ACAA1: variants seen among roughly 807,000 people sequenced by gnomAD.
The protein encoded by ACAA1 is acetyl-CoA acyltransferase 1.
A neutral mutation model predicts 48.8 loss-of-function variants in ACAA1; 44 were observed. The observed-to-expected ratio is 0.90, with a 90% CI of 0.71 to 1.16. ACAA1 has a LOEUF of 1.16. Ranked by LOEUF, ACAA1 falls within the 50% of genes most tolerant of loss-of-function variation. The probability of loss-of-function intolerance (pLI) is 0.00; values close to 1 mark genes in which losing one functional copy is unlikely to be tolerated. For missense variants in ACAA1, 512 were observed against 562.3 expected, an observed-to-expected ratio of 0.91 and a Z score of 0.90; for synonymous variants, 233 against 226.5, an observed-to-expected ratio of 1.03 and a Z score of -0.26.
Position 38,129,289 on chromosome 3 carries a change from C to T in ACAA1, c.545+1G>A. 6.2e-7 allele frequency: 1 copy of T among 1,611,612 alleles called. No homozygotes were observed. The highest frequency in any genetic ancestry group is 8.5e-7 in the Non-Finnish European group (1 of 1,177,770). On this transcript the variant is annotated splice_donor_variant, in intron 6 of 11. Transcript: ENST00000333167. LOFTEE classifies it high-confidence loss of function. The surrounding 1 kb of genome is among the most constrained non-coding windows in gnomAD (Gnocchi z 5.3). ...GCACACAGAGCTATGGGAGCACTCA[C>T]CCCATAGGAATCAGGCAATCTCTGG...
intron 2 of ACAA1, among the ~76,000 whole-genome samples, chr3:38,136,189 A>G (rs952674484): frequency 6.6e-6 from 1 of 152,188 alleles, no homozygotes; most frequent in African/African-American, 2.4e-5. Flanking sequence ...ACAGCATCTC[A>G]AGGCAGAAAA....
Position 38,126,424 on chromosome 3 carries a change from G to C in ACAA1, c.818-83C>G. The C allele has an allele frequency of 1.2e-6, 2 of 1,608,410 alleles. No individual in the cohort carries two copies. Among genetic ancestry groups the C allele is most frequent in the South Asian group, 1.1e-5 (1 of 90,442 alleles). ...CCTCCCACTTCTACTTTGCAGAGGGGCCTGGTCTATTCCAGGTTCCCAGAG... is the reference window on the plus strand; with the variant it reads ...CCTCCCACTTCTACTTTGCAGAGGGCCCTGGTCTATTCCAGGTTCCCAGAG... On this transcript the variant is annotated intron_variant, in intron 8 of 11. Transcript: ENST00000333167. The surrounding 1 kb of genome is among the most constrained non-coding windows in gnomAD (Gnocchi z 4.7).
chr3:38,126,819 G>A lies in ACAA1; in HGVS notation c.627-119C>T, dbSNP rs780102182. The A allele has an allele frequency of 2.9e-5, 35 of 1,205,594 alleles. No homozygotes were observed. Among genetic ancestry groups the A allele is most frequent in the Non-Finnish European group, 3.9e-5 (33 of 854,814 alleles). 74.7% of individuals were successfully genotyped at this position (1,205,594 alleles called of 1,614,324 possible). ...GGCTGCTAAATTCAGGGACATGCTC[G>A]ACTTTGGGGGAGCTCTGAGGGCATG... On this transcript the variant is annotated intron_variant, in intron 7 of 11. Transcript: ENST00000333167. This position sits in a 1 kb window ranked among gnomAD's most constrained non-coding sequence, Gnocchi z 4.7.
chr3:38,137,098 G>A lies in ACAA1; in HGVS notation c.-63C>T. On this transcript the variant is annotated 5_prime_UTR_variant, in exon 1 of 12. Transcript: ENST00000333167. Reference sequence around the variant, plus strand: ...GAACTGACCGCGGAGTTAACAGACAGCCGTCCGCACACGCGCAGAACCACA... The same window carrying A: ...GAACTGACCGCGGAGTTAACAGACAACCGTCCGCACACGCGCAGAACCACA... 7.4e-7 allele frequency: 1 copy of A among 1,354,284 alleles called. No homozygotes were observed. The allele number at this position is 1,354,284 out of a possible 1,614,324, so 83.9% of individuals were successfully genotyped here.
At chr3:38,123,356 A>T in intron 11 of ACAA1, 1 of 537,584 alleles carries the variant, frequency 1.9e-6, no homozygotes, top group South Asian at 2.3e-5. Context: ...ATGCCCCTAC[A>T]TCCTAAGTTC....
chr3:38,131,572 G>T (rs140868816), intron 5 of ACAA1, 24 bp downstream of exon 5: 1 of 1,613,232 alleles, frequency 6.2e-7, no homozygotes, highest in African/African-American at 1.3e-5. Flanking sequence ...TGGTTAATAA[G>T]CTCCGGCAGA....
intron 11 of ACAA1, chr3:38,124,767 TCAATGTGATAA>T (rs1700640211): frequency 6.6e-6 from 1 of 152,186 alleles, no homozygotes; most frequent in Admixed American, 6.5e-5. Context: ...GCTTACAAAG[TCAATGTGATAA>T]TGCACTTTCA....
intron 5 of ACAA1, among the ~76,000 whole-genome samples, chr3:38,130,885 G>A (rs1292719341): frequency 2.8e-4 from 42 of 152,204 alleles, no homozygotes; most frequent in Non-Finnish European, 1.5e-5. Flanking sequence ...GAAAGGCAGC[G>A]GAGGCATGTC....
chr3:38,136,074 A>G (rs1700886027), intron 2 of ACAA1, among the ~76,000 whole-genome samples: 1 of 152,290 alleles, frequency 6.6e-6, no homozygotes, highest in South Asian at 2.1e-4. Context: ...CCTGCAAACA[A>G]ATGGTTAACA....
At chr3:38,132,055 C>A (rs1440293799) in intron 3 of ACAA1, 50 bp from the exon 4 acceptor site, 6 of 1,543,430 alleles carry the variant, frequency 3.9e-6, no homozygotes, top group Non-Finnish European at 5.4e-6. Context: ...CCATGCCAGG[C>A]TCTCATGGAA....
Position 38,128,591 on chromosome 3 carries a change from TTTTC to T in ACAA1, c.545+695_545+698del, listed in dbSNP as rs1187294623. Among the ~76,000 whole-genome samples the T allele has an allele frequency of 3.3e-5, 5 of 152,256 alleles. No homozygotes were observed. In the East Asian group the frequency reaches 9.7e-4, roughly 29 times the overall value. On this transcript the variant is annotated intron_variant, in intron 6 of 11. Transcript: ENST00000333167. ...AGTGTTCCATACAAATGCCACATAC[TTTTC>T]TTTTTTTCTTTTTTGAGACAGAGTC...
chr3:38,123,983 C>T (rs1379524142), intron 11 of ACAA1: 1 of 150,974 alleles, frequency 6.6e-6, no homozygotes, highest in Non-Finnish European at 1.5e-5. Flanking sequence ...CTCCAGCCAG[C>T]CTGGACAACG....
At chr3:38,125,951 G>A in intron 9 of ACAA1, 70 bp from the exon 10 acceptor site, 1 of 1,601,778 alleles carries the variant, frequency 6.2e-7, no homozygotes, top group Non-Finnish European at 8.6e-7. Flanking sequence ...CCCCATCCAT[G>A]GGCCTACAGG....
intron 11 of ACAA1, chr3:38,125,325 G>A (rs867716738): frequency 1.3e-4 from 50 of 383,842 alleles, no homozygotes; most frequent in African/African-American, 9.5e-4. Flanking sequence ...TAAGAAGGGG[G>A]TAAAGAGTAG....
In ACAA1 at chr3:38,129,311, C is replaced by T. The variant is rs1234298226; in HGVS notation, c.524G>A (p.Arg175Lys). The change falls in exon 6 of 12, where the codon AGA (arginine) becomes AAA (lysine). Residue 175 changes from arginine to lysine, a missense_variant. By Grantham distance (26) the Arg-to-Lys change is conservative. Coordinates refer to ENST00000333167, the MANE Select transcript of ACAA1 (RefSeq NM_001607.4). This position sits in a 1 kb window ranked among gnomAD's most constrained non-coding sequence, Gnocchi z 5.3. ...TCACCCCATAGGAATCAGGCAATCT[C>T]TGGCCTTCTCCTTCTCCATCAAGCG... ...TSRLMEKEKA[R>K]DCLIPMGITS... 2.5e-6 allele frequency: 4 copies of T among 1,614,006 alleles called. No homozygotes were observed. The Admixed American group carries it at 6.7e-5, about 27-fold the overall frequency.
Position 38,126,843 on chromosome 3 carries a change from T to C in ACAA1, c.627-143A>G, listed in dbSNP as rs1559475929. 1 of 1,005,448 alleles carries C rather than the reference T, an allele frequency of 9.9e-7. No homozygotes were observed. Among genetic ancestry groups the C allele is most frequent in the East Asian group, 2.6e-5 (1 of 38,378 alleles). 62.3% of individuals were successfully genotyped at this position (1,005,448 alleles called of 1,614,324 possible). On this transcript the variant is annotated intron_variant, in intron 7 of 11. Transcript: ENST00000333167. This position sits in a 1 kb window ranked among gnomAD's most constrained non-coding sequence, Gnocchi z 4.7. ...CGACTTTGGGGGAGCTCTGAGGGCATGGCTAAGGCCTTACAGGGCCTTCTT... is the reference window on the plus strand; with the variant it reads ...CGACTTTGGGGGAGCTCTGAGGGCACGGCTAAGGCCTTACAGGGCCTTCTT...
In ACAA1 at chr3:38,126,459, C is replaced by G; in HGVS notation, c.817+51G>C. Reference sequence around the variant, plus strand: ...TTCCAGGTTCCCAGAGTACAGCACCCAGCATGGCCATGGCCTGCTTTCTCA... The same window carrying G: ...TTCCAGGTTCCCAGAGTACAGCACCGAGCATGGCCATGGCCTGCTTTCTCA... On this transcript the variant is annotated intron_variant, in intron 8 of 11. Coordinates refer to ENST00000333167, the MANE Select transcript of ACAA1 (RefSeq NM_001607.4). The surrounding 1 kb of genome is among the most constrained non-coding windows in gnomAD (Gnocchi z 4.7). 1 of 1,613,648 alleles carries G rather than the reference C, an allele frequency of 6.2e-7. No homozygotes were observed. The highest frequency in any genetic ancestry group is 8.5e-7 in the Non-Finnish European group (1 of 1,179,692).
intron 6 of ACAA1, among the ~76,000 whole-genome samples, chr3:38,128,420 C>T (rs900680358): frequency 3.9e-5 from 6 of 152,180 alleles, no homozygotes; most frequent in Admixed American, 1.3e-4. Flanking sequence ...GGGCTTCTGG[C>T]TTTATAGGCT....
chr3:38,136,903 G>GCCGCCCGTGCA lies in ACAA1; in HGVS notation c.122_132dup (p.Arg45CysfsTer29). The GCCGCCCGTGCA allele has an allele frequency of 6.5e-7, 1 of 1,533,706 alleles. No homozygotes were observed. Among genetic ancestry groups the GCCGCCCGTGCA allele is most frequent in the Non-Finnish European group, 8.7e-7 (1 of 1,144,054 alleles). ...CGGCCCGCCCGGCAGATGGCCGTGC[G>GCCGCCCGTGCA]CCGCCCGTGCACCACCACCACGTCC... On this transcript the variant is annotated frameshift_variant, in exon 1 of 12. Transcript: ENST00000333167. LOFTEE classifies it high-confidence loss of function.
Sources: gnomAD v4.1 joint callset for allele counts (sites outside exome capture counted in the v4.1 genomes callset) on GRCh38, gnomAD v4.1.1 for gene constraint, Gnocchi (gnomAD v3.1) non-coding constraint, MANE v1.5 for transcripts, NCBI Gene and HGNC (gene_info 2026-07-23, HGNC 2026-07-21) for gene names.